Variants in CLNS1A observed in about 807,000 individuals in gnomAD.
CLNS1A encodes chloride nucleotide-sensitive channel 1A, also known as methylosome subunit pICln.
In CLNS1A, 16 loss-of-function variants were observed where a neutral mutation model predicts 29.4. The observed-to-expected ratio is 0.54, with a 90% CI of 0.37 to 0.83. The LOEUF (loss-of-function observed/expected upper bound fraction) is 0.83. Among genes scored for constraint, CLNS1A ranks in the 40% least tolerant of loss-of-function variants. The pLI is 0.00. For synonymous variants in CLNS1A, 96 were observed against 104.8 expected, an observed-to-expected ratio of 0.92 and a Z score of 0.51; for missense variants, 235 against 287.4, an observed-to-expected ratio of 0.82 and a Z score of 1.32.
intron 2 of CLNS1A, 26 bp from the exon 3 acceptor site, chr11:77,625,844 G>A: frequency 6.7e-7 from 1 of 1,484,074 alleles, no homozygotes; most frequent in Non-Finnish European, 9.2e-7. Context: ...CCCTTTTAAT[G>A]TCATTATTTG....
chr11:77,620,381 T>C (rs886845531), intron 5 of CLNS1A, among the ~76,000 whole-genome samples: 11 of 152,354 alleles, frequency 7.2e-5, no homozygotes, highest in African/African-American at 2.4e-4. Flanking sequence ...TCCACCACGA[T>C]TGTGAGGTTT....
At chr11:77,631,748 G>GT (rs1338046917) in intron 1 of CLNS1A, among the ~76,000 whole-genome samples, 1 of 150,208 alleles carries the variant, frequency 6.7e-6, no homozygotes, top group Non-Finnish European at 1.5e-5. Flanking sequence ...ATAAATCTTT[G>GT]TTTTTTTGAG....
intron 1 of CLNS1A, among the ~76,000 whole-genome samples, chr11:77,630,832 A>C (rs1343664397): frequency 6.6e-6 from 1 of 152,192 alleles, no homozygotes; most frequent in East Asian, 1.9e-4. Context: ...TAGGGCTAGA[A>C]GGAAATAGGG....
chr11:77,633,084 CAAAAA>C (rs887085397), intron 1 of CLNS1A, among the ~76,000 whole-genome samples: 7 of 55,604 alleles, frequency 1.3e-4, no homozygotes, highest in East Asian at 5.4e-4. Context: ...GACTCCATCT[CAAAAA>C]AAAAAAAAAA....
chr11:77,635,551 T>A (rs1039596234), intron 1 of CLNS1A, among the ~76,000 whole-genome samples: 5 of 151,830 alleles, frequency 3.3e-5, no homozygotes, highest in African/African-American at 1.2e-4. Context: ...GGGTTTCACA[T>A]TGTTGGCCAG....
intron 1 of CLNS1A, among the ~76,000 whole-genome samples, chr11:77,633,084 C>CAAA (rs887085397): frequency 6.9e-4 from 38 of 55,276 alleles, no homozygotes; most frequent in Middle Eastern, 9.3e-3. Flanking sequence ...GACTCCATCT[C>CAAA]AAAAAAAAAA....
intron 3 of CLNS1A, chr11:77,625,489 T>C (rs1198893544): frequency 1.6e-5 from 8 of 500,146 alleles, no homozygotes; most frequent in South Asian, 1.1e-4. Context: ...TCACAAAATA[T>C]ACCCAGATGA....
chr11:77,637,311 G>A (rs1424038824), intron 1 of CLNS1A, among the ~76,000 whole-genome samples: 40 of 103,974 alleles, frequency 3.8e-4, no homozygotes, highest in South Asian at 6.6e-4. Context: ...GAGAGAAAGA[G>A]ACAGAGAAAG....
intron 5 of CLNS1A, 111 bp from the exon 6 acceptor site, chr11:77,619,806 C>G (rs1200084374): frequency 5.4e-6 from 4 of 746,882 alleles, no homozygotes; most frequent in Non-Finnish European, 9.4e-6. Flanking sequence ...GTAAGAATTG[C>G]TTTTTCCTCT....
intron 4 of CLNS1A, among the ~76,000 whole-genome samples, chr11:77,624,568 C>T (rs1958996062): frequency 6.6e-6 from 1 of 152,120 alleles, no homozygotes; most frequent in Non-Finnish European, 1.5e-5. Context: ...ACCTGTAATC[C>T]CAGCACTTTG....
chr11:77,619,201 T>C (rs1958932983), intron 6 of CLNS1A, among the ~76,000 whole-genome samples: 1 of 152,028 alleles, frequency 6.6e-6, no homozygotes, highest in South Asian at 2.1e-4. Flanking sequence ...TCAGGAACAA[T>C]CTGAGGTTTA....
chr11:77,627,963 T>C (rs1404366977), intron 2 of CLNS1A, among the ~76,000 whole-genome samples: 1 of 152,080 alleles, frequency 6.6e-6, no homozygotes, highest in Non-Finnish European at 1.5e-5. Flanking sequence ...GTAGCTGGGA[T>C]TACAGGCACC....
At chr11:77,626,975 G>A (rs2135769567) in intron 2 of CLNS1A, among the ~76,000 whole-genome samples, 1 of 151,254 alleles carries the variant, frequency 6.6e-6, no homozygotes, top group South Asian at 2.1e-4. Flanking sequence ...GATTACAGGT[G>A]TGAGCCACCG....
At chr11:77,625,360 G>C (rs772966252) in intron 3 of CLNS1A, 8 of 456,784 alleles carry the variant, frequency 1.8e-5, no homozygotes, top group South Asian at 1.4e-4. Flanking sequence ...GCTCTCAGCT[G>C]ATAGGGCTCT....
rs746506869 is a variant in CLNS1A at position 77,625,055 on chromosome 11, GT to G, written c.379del (p.Thr127LeufsTer51). ...SDKSALEAMF[T>X]AMCECQALHP... ...CAAGGCCTGGCATTCGCACATTGCA[GT>G]GAACATTGCCTCCACTGAACAAGGA... On this transcript the variant is annotated frameshift_variant, in exon 4 of 7. Transcript: ENST00000525428. LOFTEE classifies it high-confidence loss of function. 67 of 1,611,942 alleles carry G rather than the reference GT, an allele frequency of 4.2e-5. No homozygotes were observed. The highest frequency in any genetic ancestry group is 5.3e-5 in the Non-Finnish European group (63 of 1,178,628).
rs758580440 is a variant in CLNS1A at position 77,625,001 on chromosome 11, T to C, written c.434A>G (p.Asp145Gly). 32 of 1,613,816 alleles carry C rather than the reference T, an allele frequency of 2.0e-5. No individual in the cohort carries two copies. In the Admixed American group the frequency reaches 5.3e-4, roughly 27 times the overall value. The change falls in exon 4 of 7, where the codon GAT becomes GGT. Residue 145 changes from aspartate (D) to glycine (G), a missense_variant. Asp to Gly is a moderately conservative substitution (Grantham distance 94). Transcript: ENST00000525428. ...ATCATATTCTTCTCCATCGTAGTCA[T>C]CTGAATCCTCATCCTCAGGATCTGG... ...LHPDPEDEDS[D>G]DYDGEEYDVE...
In CLNS1A at chr11:77,615,906, G is replaced by A. The variant is rs1006941160; in HGVS notation, c.*812C>T. 2 of 152,176 alleles carry A rather than the reference G, an allele frequency of 1.3e-5. No individual in the cohort carries two copies. Among genetic ancestry groups the A allele is most frequent in the African/African-American group, 4.8e-5 (2 of 41,440 alleles). The allele number at this position is 152,176 out of a possible 1,614,324, so 9.4% of individuals were successfully genotyped here. On this transcript the variant is annotated 3_prime_UTR_variant, in exon 7 of 7. Transcript: ENST00000525428. ...CAGGTATCTATGAAAACTAAAAATT[G>A]AGAGTTGATAAATATAAGAAATTAC...
rs1958902278 is a variant in CLNS1A at position 77,615,908 on chromosome 11, G to A, written c.*810C>T. ...GGTATCTATGAAAACTAAAAATTGA[G>A]AGTTGATAAATATAAGAAATTACTG... is the stretch of plus-strand genomic sequence containing the variant. On this transcript the variant is annotated 3_prime_UTR_variant, in exon 7 of 7. Coordinates refer to ENST00000525428, the MANE Select transcript of CLNS1A (RefSeq NM_001293.3). The A allele has an allele frequency of 1.3e-5, 2 of 152,164 alleles. No homozygotes were observed. The highest frequency in any genetic ancestry group is 1.3e-4 in the Admixed American group (2 of 15,272). 9.4% of individuals were successfully genotyped at this position (152,164 alleles called of 1,614,324 possible). A position where few individuals can be genotyped will look rare whatever the true frequency, so the allele number is the denominator to read the frequency against.
chr11:77,629,737 A>G, intron 2 of CLNS1A, 26 bp downstream of exon 2: 1 of 1,603,348 alleles, frequency 6.2e-7, no homozygotes, highest in Non-Finnish European at 8.5e-7. Flanking sequence ...CAAAGGAGGC[A>G]TTAGATTAAA....
Sources: allele counts gnomAD v4.1 joint callset (sites outside exome capture counted in the v4.1 genomes callset), GRCh38; gene constraint gnomAD v4.1.1; transcripts MANE v1.5; gene names NCBI Gene and HGNC (gene_info 2026-07-23, HGNC 2026-07-21).